VTCN1: variants seen among roughly 807,000 people sequenced by gnomAD.
VTCN1 encodes V-set domain containing T cell activation inhibitor 1, also known as V-set domain-containing T-cell activation inhibitor 1.
Under a neutral mutation model 26.5 loss-of-function variants are expected in VTCN1, and 26 were observed. The ratio of observed to expected loss-of-function variants is 0.98; its 90% CI spans 0.72 to 1.36. The LOEUF is 1.36. Ranked by LOEUF, VTCN1 falls within the 40% of genes most tolerant of loss-of-function variation. VTCN1 has a pLI of 0.00. For synonymous variants in VTCN1, 116 were observed against 130.7 expected, an observed-to-expected ratio of 0.89 and a Z score of 0.77; for missense variants, 298 against 337.7, an observed-to-expected ratio of 0.88 and a Z score of 0.92.
At chr1:117,187,048 A>T (rs999596036) in intron 1 of VTCN1, among the ~76,000 whole-genome samples, 2 of 152,008 alleles carry the variant, frequency 1.3e-5, no homozygotes, top group African/African-American at 4.8e-5. Context: ...GCACTTTAGG[A>T]GGCCAAGGCA....
In VTCN1 at chr1:117,155,514, C is replaced by T. The variant is rs1442981624; in HGVS notation, c.445+1060G>A. 1.3e-5 allele frequency among the ~76,000 whole-genome samples: 2 copies of T among 152,084 alleles called. No individual in the cohort carries two copies. The highest frequency in any genetic ancestry group is 4.8e-5 in the African/African-American group (2 of 41,400). ...TATACCTTTGAGTTATAATTCAATA[C>T]TATGTTACTTATTTTGTTGCTTAAA... On this transcript the variant is annotated intron_variant, in intron 3 of 5. Transcript: ENST00000369458. The surrounding 1 kb of genome is among the most constrained non-coding windows in gnomAD (Gnocchi z 4.8).
chr1:117,188,665 G>T (rs984728651), intron 1 of VTCN1, among the ~76,000 whole-genome samples: 2 of 152,038 alleles, frequency 1.3e-5, no homozygotes, highest in Non-Finnish European at 2.9e-5. Context: ...GCTAAACTGA[G>T]CTCATCTGAT....
chr1:117,159,830 TGAA>T lies in VTCN1; in HGVS notation c.98-2912_98-2910del, dbSNP rs1313266408. Reference sequence around the variant, plus strand: ...GTTTACAGTGCTAGCTATAGCATAATGAAGAACTGTATTTAATTCAGTTGATTT... The same window carrying T: ...GTTTACAGTGCTAGCTATAGCATAATGAACTGTATTTAATTCAGTTGATTT... On this transcript the variant is annotated intron_variant, in intron 2 of 5. Transcript: ENST00000369458. The surrounding 1 kb of genome is among the most constrained non-coding windows in gnomAD (Gnocchi z 4.7). Among the ~76,000 whole-genome samples the T allele has an allele frequency of 3.9e-5, 6 of 152,334 alleles. No individual in the cohort carries two copies. The highest frequency in any genetic ancestry group is 1.4e-4 in the African/African-American group (6 of 41,576).
intron 4 of VTCN1, among the ~76,000 whole-genome samples, chr1:117,150,334 C>T (rs1422853290): frequency 1.3e-5 from 2 of 152,110 alleles, no homozygotes; most frequent in East Asian, 3.8e-4. Flanking sequence ...TGGACTAAAA[C>T]AAGAGAGTAA....
At chr1:117,182,350 C>T (rs552905555) in intron 1 of VTCN1, among the ~76,000 whole-genome samples, 8 of 152,290 alleles carry the variant, frequency 5.3e-5, no homozygotes, top group African/African-American at 1.7e-4. Flanking sequence ...TGCAAATCCT[C>T]GCCTGCTGGG....
At chr1:117,204,348 C>A (rs914939410) in intron 1 of VTCN1, among the ~76,000 whole-genome samples, 6 of 152,180 alleles carry the variant, frequency 3.9e-5, no homozygotes, top group Non-Finnish European at 8.8e-5. Flanking sequence ...GATTAAGTAA[C>A]TTCCTTGAGG....
At position 117,175,553 on chromosome 1, in the gene VTCN1, G is replaced by T. The variant is rs1647289642; in HGVS notation, c.33-5382C>A. Among the ~76,000 whole-genome samples the T allele has an allele frequency of 1.3e-5, 2 of 152,124 alleles. No individual in the cohort carries two copies. Among genetic ancestry groups the T allele is most frequent in the African/African-American group, 4.8e-5 (2 of 41,426 alleles). On this transcript the variant is annotated intron_variant, in intron 1 of 5. Transcript: ENST00000369458. The surrounding 1 kb of genome is among the most constrained non-coding windows in gnomAD (Gnocchi z 4.2). ...GCCATGCTAAGCTTTTCCCACTGAA[G>T]TTCTCATTCTATTCTGCTATTTCAA...
intron 4 of VTCN1, among the ~76,000 whole-genome samples, chr1:117,149,022 A>G (rs1449767802): frequency 1.3e-5 from 2 of 152,226 alleles, no homozygotes; most frequent in Non-Finnish European, 2.9e-5. Flanking sequence ...TAATATACTC[A>G]TCAATCAGAT....
chr1:117,172,240 C>T (rs1652957546), intron 1 of VTCN1, among the ~76,000 whole-genome samples: 1 of 152,224 alleles, frequency 6.6e-6, no homozygotes, highest in Non-Finnish European at 1.5e-5. Flanking sequence ...TGTTCCCAGC[C>T]TCCTATGGCT....
chr1:117,149,338 T>C (rs1013479922), intron 4 of VTCN1, among the ~76,000 whole-genome samples: 6 of 151,728 alleles, frequency 4.0e-5, no homozygotes, highest in Non-Finnish European at 8.8e-5. Context: ...CTAAGTATCC[T>C]GGGTAGAAAT....
intron 1 of VTCN1, among the ~76,000 whole-genome samples, chr1:117,193,562 ATATC>A (rs1648355422): frequency 1.2e-5 from 1 of 86,636 alleles, no homozygotes; most frequent in Non-Finnish European, 2.4e-5. Context: ...AATTGTAAAT[ATATC>A]TATGCATCCA....
chr1:117,187,895 A>T (rs901051114), intron 1 of VTCN1, among the ~76,000 whole-genome samples: 1 of 152,148 alleles, frequency 6.6e-6, no homozygotes, highest in Admixed American at 6.5e-5. Context: ...AACTAAAAAA[A>T]GGGGGGATCT....
At chr1:117,152,309 G>A (rs898453884) in intron 4 of VTCN1, among the ~76,000 whole-genome samples, 1 of 152,210 alleles carries the variant, frequency 6.6e-6, no homozygotes, top group Non-Finnish European at 1.5e-5. Context: ...CTTATAATGT[G>A]TAAGGTATTT....
At chr1:117,207,489 C>T (rs1181238065) in intron 1 of VTCN1, among the ~76,000 whole-genome samples, 1 of 152,024 alleles carries the variant, frequency 6.6e-6, no homozygotes, top group Non-Finnish European at 1.5e-5. Context: ...TGTTCTTCAG[C>T]CATCCGTCCT....
chr1:117,204,516 T>G (rs1648944874), intron 1 of VTCN1, among the ~76,000 whole-genome samples: 1 of 152,144 alleles, frequency 6.6e-6, no homozygotes, highest in African/African-American at 2.4e-5. Context: ...AAATGTGGTC[T>G]GCTAGGGTCC....
At chr1:117,191,668 G>GCTA (rs1185964735) in intron 1 of VTCN1, among the ~76,000 whole-genome samples, 1 of 152,196 alleles carries the variant, frequency 6.6e-6, no homozygotes, top group East Asian at 1.9e-4. Context: ...TGTAATCCCA[G>GCTA]CTACTCGGGA....
intron 2 of VTCN1, among the ~76,000 whole-genome samples, chr1:117,158,330 C>T (rs1478170604): frequency 6.6e-6 from 1 of 152,230 alleles, no homozygotes; most frequent in Non-Finnish European, 1.5e-5. Context: ...CATTTCCAGA[C>T]ATCTTCTGAA....
At chr1:117,171,160 A>G (rs998408232) in intron 1 of VTCN1, among the ~76,000 whole-genome samples, 13 of 152,188 alleles carry the variant, frequency 8.5e-5, no homozygotes, top group Non-Finnish European at 1.6e-4. Flanking sequence ...AGCTTCATCC[A>G]TGTTCCTGCA....
chr1:117,156,602 C>T lies in VTCN1; in HGVS notation c.417G>A (p.Gly139=). ...KCYIITSKGK[G]NANLEYKTGA... ...CAGTTTTATACTCAAGGTTAGCATTCCCCTTGCCTTTAGAAGTGATGATAT... is the reference window on the plus strand; with the variant it reads ...CAGTTTTATACTCAAGGTTAGCATTTCCCTTGCCTTTAGAAGTGATGATAT... The change falls in exon 3 of 6, where the codon GGG becomes GGA. Residue 139 remains glycine, a synonymous_variant. Coordinates refer to ENST00000369458, the MANE Select transcript of VTCN1 (RefSeq NM_024626.4). 1 of 1,605,278 alleles carries T rather than the reference C, an allele frequency of 6.2e-7. No individual in the cohort carries two copies. Among genetic ancestry groups the T allele is most frequent in the Non-Finnish European group, 8.5e-7 (1 of 1,175,480 alleles).
Sources: allele counts gnomAD v4.1 joint callset (sites outside exome capture counted in the v4.1 genomes callset), GRCh38; gene constraint gnomAD v4.1.1; non-coding constraint Gnocchi (gnomAD v3.1); transcripts MANE v1.5; gene names NCBI Gene and HGNC (gene_info 2026-07-23, HGNC 2026-07-21).